NALF1: variants seen among roughly 807,000 people sequenced by gnomAD.
NALF1 encodes the protein family with sequence similarity 155 member A.
NALF1 carries 3 observed loss-of-function variants against 48.4 expected under a neutral mutation model. The ratio of observed to expected loss-of-function variants is 0.06; its 90% CI spans 0.03 to 0.16. The LOEUF is 0.16. NALF1 is among the 10% of genes least tolerant of loss of function. NALF1 has a pLI of 1.00. For synonymous variants in NALF1, 262 were observed against 245.7 expected, an observed-to-expected ratio of 1.07 and a Z score of -0.62; for missense variants, 526 against 571.5, an observed-to-expected ratio of 0.92 and a Z score of 0.81.
At chr13:107,434,952 C>A (rs903151510) in intron 1 of NALF1, among the ~76,000 whole-genome samples, 1 of 152,146 alleles carries the variant, frequency 6.6e-6, no homozygotes, top group African/African-American at 2.4e-5. Context: ...TGACATCGAT[C>A]TTCTCAACTT....
chr13:107,268,686 T>C (rs1881093505), intron 1 of NALF1, among the ~76,000 whole-genome samples: 1 of 152,202 alleles, frequency 6.6e-6, no homozygotes, highest in African/African-American at 2.4e-5. Flanking sequence ...GATGATATTC[T>C]TTAAAAAGTC....
At chr13:107,434,599 C>A (rs1884434446) in intron 1 of NALF1, among the ~76,000 whole-genome samples, 1 of 152,198 alleles carries the variant, frequency 6.6e-6, no homozygotes, top group South Asian at 2.1e-4. Context: ...ATCACTGGAC[C>A]TAAGTCATGG....
chr13:107,488,639 C>A (rs186771825), intron 1 of NALF1, among the ~76,000 whole-genome samples: 2 of 151,900 alleles, frequency 1.3e-5, no homozygotes, highest in African/African-American at 4.8e-5. Flanking sequence ...TAATAAGAGC[C>A]GTATATGACA....
intron 1 of NALF1, among the ~76,000 whole-genome samples, chr13:107,285,077 A>C (rs1439810631): frequency 1.3e-5 from 2 of 152,222 alleles, no homozygotes; most frequent in Admixed American, 1.3e-4. Context: ...TTCAATGATT[A>C]GGACCTGTGG....
chr13:107,297,481 G>A (rs1384796478), intron 1 of NALF1, among the ~76,000 whole-genome samples: 2 of 152,142 alleles, frequency 1.3e-5, no homozygotes, highest in African/African-American at 4.8e-5. Flanking sequence ...TCTGACTTCA[G>A]AATATTGAAA....
chr13:107,464,897 T>C (rs1884976669), intron 1 of NALF1, among the ~76,000 whole-genome samples: 1 of 152,184 alleles, frequency 6.6e-6, no homozygotes, highest in Non-Finnish European at 1.5e-5. Context: ...GTATACCACT[T>C]GATGAAATTT....
chr13:107,680,982 C>CA (rs1881287324), intron 1 of NALF1, among the ~76,000 whole-genome samples: 1 of 132,314 alleles, frequency 7.6e-6, no homozygotes, highest in South Asian at 2.4e-4. Flanking sequence ...CACGTCATGT[C>CA]AGTTAATTTT....
At chr13:107,691,861 T>A (rs996676559) in intron 1 of NALF1, among the ~76,000 whole-genome samples, 1 of 152,246 alleles carries the variant, frequency 6.6e-6, no homozygotes, top group African/African-American at 2.4e-5. Flanking sequence ...AGAAGATGTA[T>A]GTTTTCTTAA....
chr13:107,599,467 A>G (rs187445670), intron 1 of NALF1, among the ~76,000 whole-genome samples: 255 of 152,106 alleles, frequency 1.7e-3, no homozygotes, highest in African/African-American at 5.8e-3. Flanking sequence ...GGTGTATCCA[A>G]TCTCATCTTT....
chr13:107,300,103 G>C (rs901277010), intron 1 of NALF1, among the ~76,000 whole-genome samples: 1 of 152,310 alleles, frequency 6.6e-6, no homozygotes, highest in African/African-American at 2.4e-5. Context: ...ATGTGGTCAC[G>C]AGTTCCTAAA....
intron 1 of NALF1, among the ~76,000 whole-genome samples, chr13:107,626,119 G>A (rs145356830): frequency 1.3e-3 from 200 of 151,940 alleles, no homozygotes; most frequent in African/African-American, 4.4e-3. Flanking sequence ...TAACTGATGA[G>A]GTGACATCTA....
intron 1 of NALF1, among the ~76,000 whole-genome samples, chr13:107,814,361 C>T (rs892164566): frequency 1.7e-4 from 26 of 152,272 alleles, no homozygotes; most frequent in African/African-American, 5.3e-4. Context: ...TACTGGCCAT[C>T]CAGGTCCTGG....
intron 1 of NALF1, among the ~76,000 whole-genome samples, chr13:107,234,324 T>TCGA (rs2138828090): frequency 6.6e-6 from 1 of 152,300 alleles, no homozygotes; most frequent in Admixed American, 6.5e-5. Flanking sequence ...AGATGCTCGG[T>TCGA]GACTTTGCCT....
intron 1 of NALF1, among the ~76,000 whole-genome samples, chr13:107,693,784 C>G (rs986975558): frequency 1.3e-5 from 2 of 152,124 alleles, no homozygotes; most frequent in Non-Finnish European, 2.9e-5. Context: ...ACACACTGAA[C>G]AGAAGACAGT....
chr13:107,779,765 T>C (rs1877833089), intron 1 of NALF1, among the ~76,000 whole-genome samples: 1 of 152,196 alleles, frequency 6.6e-6, no homozygotes, highest in African/African-American at 2.4e-5. Flanking sequence ...TTTACCCCTC[T>C]TGTCTCCACC....
intron 1 of NALF1, among the ~76,000 whole-genome samples, chr13:107,692,898 T>A (rs1341799580): frequency 6.6e-6 from 1 of 152,138 alleles, no homozygotes; most frequent in Non-Finnish European, 1.5e-5. Flanking sequence ...AGATAAAAAA[T>A]AACAGTATAC....
chr13:107,703,605 G>A (rs188742287), intron 1 of NALF1, among the ~76,000 whole-genome samples: 29 of 152,020 alleles, frequency 1.9e-4, no homozygotes, highest in African/African-American at 6.0e-4. Context: ...CGCCCACCTC[G>A]GCAACCCAAA....
intron 1 of NALF1, among the ~76,000 whole-genome samples, chr13:107,417,579 T>C (rs559022374): frequency 6.6e-6 from 1 of 152,324 alleles, no homozygotes; most frequent in Non-Finnish European, 1.5e-5. Flanking sequence ...CTGTAACATC[T>C]ACTGGGTGTG....
At chr13:107,348,026 T>C (rs575503913) in intron 1 of NALF1, among the ~76,000 whole-genome samples, 1 of 152,244 alleles carries the variant, frequency 6.6e-6, no homozygotes, top group African/African-American at 2.4e-5. Flanking sequence ...TCAGACCCCA[T>C]GGACGTTTTC....
Sources: gnomAD v4.1 joint callset for allele counts (sites outside exome capture counted in the v4.1 genomes callset) on GRCh38, gnomAD v4.1.1 for gene constraint, MANE v1.5 for transcripts, NCBI Gene and HGNC (gene_info 2026-07-23, HGNC 2026-07-21) for gene names.